The following SPOCK1 variants were observed in gnomAD, a reference collection of about 807,000 sequenced individuals.
SPOCK1 encodes the protein testican-1.
In SPOCK1, 23 loss-of-function variants were observed where a neutral mutation model predicts 55.3. That is an observed-to-expected ratio of 0.42 (90% confidence interval 0.30 to 0.59). The LOEUF (loss-of-function observed/expected upper bound fraction) is 0.59. SPOCK1 is among the 20% of genes least tolerant of loss of function. The pLI, the probability that SPOCK1 is intolerant of heterozygous loss-of-function variation, is 0.22. For missense variants in SPOCK1, 499 were observed against 552.5 expected, an observed-to-expected ratio of 0.90 and a Z score of 0.97; for synonymous variants, 226 against 221.0, an observed-to-expected ratio of 1.02 and a Z score of -0.20.
intron 2 of SPOCK1, among the ~76,000 whole-genome samples, chr5:137,348,649 A>G (rs1310157449): frequency 6.6e-6 from 1 of 152,240 alleles, no homozygotes; most frequent in Non-Finnish European, 1.5e-5. Flanking sequence ...GCATAGACCA[A>G]GTATCAGAAA....
chr5:137,332,697 AAAG>A (rs1446372835), intron 2 of SPOCK1, among the ~76,000 whole-genome samples: 1 of 152,246 alleles, frequency 6.6e-6, no homozygotes. Context: ...ATGCAAATAG[AAAG>A]CACTTTCATA....
chr5:136,988,680 C>A lies in SPOCK1; in HGVS notation c.707-37G>T, dbSNP rs777226392. ...AAGGCATATCTCAGCTGCCACCAAG[C>A]CTGATGCTTTCCTCCCTGCTCACTC... On this transcript the variant is annotated intron_variant, in intron 7 of 10. Coordinates refer to ENST00000394945, the MANE Select transcript of SPOCK1 (RefSeq NM_004598.4). The A allele has an allele frequency of 3.8e-6, 6 of 1,578,242 alleles. No homozygotes were observed. The Admixed American group carries it at 6.9e-5, about 18-fold the overall frequency.
chr5:137,278,036 C>G (rs1327319625), intron 2 of SPOCK1, among the ~76,000 whole-genome samples: 1 of 152,204 alleles, frequency 6.6e-6, no homozygotes, highest in African/African-American at 2.4e-5. Flanking sequence ...TGAATCATCT[C>G]TCTGGAAAAC....
At chr5:137,016,044 G>T (rs956654754) in intron 6 of SPOCK1, among the ~76,000 whole-genome samples, 1 of 152,148 alleles carries the variant, frequency 6.6e-6, no homozygotes. Flanking sequence ...AGTTAGGCAG[G>T]TCAACTTCAC....
chr5:137,310,676 A>G (rs1757774574), intron 2 of SPOCK1, among the ~76,000 whole-genome samples: 1 of 152,226 alleles, frequency 6.6e-6, no homozygotes, highest in African/African-American at 2.4e-5. Flanking sequence ...ACAAAGTGGG[A>G]ATCTGCATCT....
Position 137,495,337 on chromosome 5 carries a change from A to G in SPOCK1, c.186+3036T>C, listed in dbSNP as rs77679034. Among the ~76,000 whole-genome samples the G allele has an allele frequency of 6.6e-5, 10 of 152,256 alleles. No individual in the cohort carries two copies. In the East Asian group the frequency reaches 1.7e-3, roughly 26 times the overall value. On this transcript the variant is annotated intron_variant, in intron 2 of 10. Coordinates refer to ENST00000394945, the MANE Select transcript of SPOCK1 (RefSeq NM_004598.4). ...AGTAGTCAAGGGATATGGAACACGC[A>G]CCCCACTGTCATATTCATTTCAAAG...
intron 7 of SPOCK1, 50 bp downstream of exon 7, chr5:136,992,433 TA>T: frequency 7.0e-7 from 1 of 1,418,922 alleles, no homozygotes; most frequent in Non-Finnish European, 9.7e-7. Flanking sequence ...TTGCTAACCC[TA>T]AATCAATGTC....
intron 9 of SPOCK1, among the ~76,000 whole-genome samples, chr5:136,984,158 A>G (rs950711697): frequency 6.6e-6 from 1 of 152,212 alleles, no homozygotes. Flanking sequence ...ATGTAGGCCT[A>G]AAGAGTTCGA....
chr5:136,981,236 C>T (rs761691757), intron 9 of SPOCK1, among the ~76,000 whole-genome samples: 7 of 152,216 alleles, frequency 4.6e-5, no homozygotes, highest in Non-Finnish European at 8.8e-5. Context: ...TCTTCTATAA[C>T]TGAGCTTATA....
At chr5:137,191,864 A>G (rs993939283) in intron 3 of SPOCK1, among the ~76,000 whole-genome samples, 1 of 152,196 alleles carries the variant, frequency 6.6e-6, no homozygotes, top group African/African-American at 2.4e-5. Flanking sequence ...CTACTTTCCA[A>G]CAAACTCACC....
intron 3 of SPOCK1, among the ~76,000 whole-genome samples, chr5:137,144,365 A>G (rs1217165601): frequency 1.3e-5 from 2 of 152,204 alleles, no homozygotes; most frequent in East Asian, 3.9e-4. Flanking sequence ...CTAATAAATA[A>G]AAACTGTTCG....
intron 2 of SPOCK1, among the ~76,000 whole-genome samples, chr5:137,297,534 G>A (rs906833792): frequency 7.9e-5 from 12 of 152,128 alleles, no homozygotes; most frequent in East Asian, 1.9e-4. Flanking sequence ...TTTTAACAAC[G>A]ATAAGTATCA....
intron 2 of SPOCK1, among the ~76,000 whole-genome samples, chr5:137,383,629 G>C (rs549291842): frequency 9.8e-5 from 15 of 152,322 alleles, no homozygotes; most frequent in African/African-American, 3.4e-4. Context: ...AGAATGAAGA[G>C]GGCAGTGGCA....
chr5:137,266,967 C>T, intron 3 of SPOCK1, 43 bp downstream of exon 3: 1 of 1,566,976 alleles, frequency 6.4e-7, no homozygotes, highest in South Asian at 1.1e-5. Flanking sequence ...AATGAGACCA[C>T]ATTTACCACA....
chr5:137,338,779 G>A (rs1009409402), intron 2 of SPOCK1, among the ~76,000 whole-genome samples: 17 of 152,210 alleles, frequency 1.1e-4, no homozygotes, highest in South Asian at 2.1e-4. Flanking sequence ...GTGATGATGA[G>A]CATTTTTTCA....
At chr5:137,429,948 G>A (rs1196000144) in intron 2 of SPOCK1, among the ~76,000 whole-genome samples, 2 of 152,210 alleles carry the variant, frequency 1.3e-5, no homozygotes, top group Non-Finnish European at 2.9e-5. Flanking sequence ...CTCCAGAGAC[G>A]TGGCTGTTCT....
chr5:137,259,972 T>G (rs189935008), intron 3 of SPOCK1, among the ~76,000 whole-genome samples: 115 of 152,340 alleles, frequency 7.5e-4, no homozygotes, highest in Non-Finnish European at 1.3e-3. Flanking sequence ...CTGTAACCTT[T>G]GAAATAAGAG....
chr5:137,039,074 G>C (rs1223038929), intron 6 of SPOCK1, among the ~76,000 whole-genome samples: 1 of 152,014 alleles, frequency 6.6e-6, no homozygotes, highest in Non-Finnish European at 1.5e-5. Flanking sequence ...TTATAAGCTG[G>C]ATCCCATTCC....
At chr5:137,079,540 C>CA (rs1554096414) in intron 5 of SPOCK1, among the ~76,000 whole-genome samples, 18 of 147,366 alleles carry the variant, frequency 1.2e-4, no homozygotes, top group Non-Finnish European at 1.9e-4. Context: ...GATTCCCCCC[C>CA]CCCCCGACTT....
Sources: gnomAD v4.1 joint callset for allele counts (sites outside exome capture counted in the v4.1 genomes callset) on GRCh38, gnomAD v4.1.1 for gene constraint, MANE v1.5 for transcripts, NCBI Gene and HGNC (gene_info 2026-07-23, HGNC 2026-07-21) for gene names.